PDSS2: variants seen among roughly 807,000 people sequenced by gnomAD.
PDSS2 encodes decaprenyl diphosphate synthase subunit 2.
In PDSS2, 31 loss-of-function variants were observed where a neutral mutation model predicts 44.5. The observed-to-expected ratio is 0.70, with a 90% CI of 0.52 to 0.94. The LOEUF is 0.94. Among genes scored for constraint, PDSS2 ranks in the 40% least tolerant of loss-of-function variants. The probability of loss-of-function intolerance (pLI) is 0.00; values close to 1 mark genes in which losing one functional copy is unlikely to be tolerated. For synonymous variants in PDSS2, 157 were observed against 180.3 expected (o/e 0.87, Z 1.03); for missense variants, 452 against 482.2 (o/e 0.94, Z 0.59).
chr6:107,312,453 G>A (rs144586245), intron 2 of PDSS2, among the ~76,000 whole-genome samples: 1 of 152,182 alleles, frequency 6.6e-6, no homozygotes, highest in Admixed American at 6.5e-5. Flanking sequence ...AACTTCCTGA[G>A]TTCAAACCCT....
intron 1 of PDSS2, among the ~76,000 whole-genome samples, chr6:107,404,455 C>G (rs1270740863): frequency 1.3e-5 from 2 of 152,138 alleles, no homozygotes; most frequent in Non-Finnish European, 2.9e-5. Flanking sequence ...AGTCCGTTCT[C>G]CCACTGCTAA....
At chr6:107,274,922 C>CTCGG (rs1431999972) in intron 2 of PDSS2, among the ~76,000 whole-genome samples, 1 of 152,112 alleles carries the variant, frequency 6.6e-6, no homozygotes, top group Non-Finnish European at 1.5e-5. Context: ...ATCTACCTGC[C>CTCGG]TCGGACACCC....
chr6:107,376,318 T>TG (rs1445729139), intron 1 of PDSS2, among the ~76,000 whole-genome samples: 1 of 151,936 alleles, frequency 6.6e-6, no homozygotes, highest in African/African-American at 2.4e-5. Flanking sequence ...GGTAGCTTGA[T>TG]GGGGATGGCA....
At position 107,334,184 on chromosome 6, in the gene PDSS2, T is replaced by C. The variant is rs1777800021; in HGVS notation, c.431+14A>G. The C allele has an allele frequency of 6.2e-7, 1 of 1,612,496 alleles. No homozygotes were observed. The highest frequency in any genetic ancestry group is 1.1e-5 in the South Asian group (1 of 91,050). On this transcript the variant is annotated intron_variant, in intron 2 of 7. Coordinates refer to ENST00000369037, the MANE Select transcript of PDSS2 (RefSeq NM_020381.4). Reference sequence around the variant, plus strand: ...GATGTAGAGAGCAATGTCAAAAGACTAAATTCTTCTTACCATGAGTAGATC... The same window carrying C: ...GATGTAGAGAGCAATGTCAAAAGACCAAATTCTTCTTACCATGAGTAGATC...
intron 1 of PDSS2, among the ~76,000 whole-genome samples, chr6:107,344,447 G>C (rs923682234): frequency 1.3e-5 from 2 of 152,094 alleles, no homozygotes; most frequent in Admixed American, 6.5e-5. Flanking sequence ...AACAACTTTA[G>C]GGCCTGAGGT....
At chr6:107,342,824 G>T (rs565424379) in intron 1 of PDSS2, among the ~76,000 whole-genome samples, 141 of 152,162 alleles carry the variant, frequency 9.3e-4, no homozygotes, top group African/African-American at 3.3e-3. Context: ...AAATATTAAG[G>T]AAACAACTTC....
At chr6:107,165,740 A>G (rs1249875038) in intron 7 of PDSS2, among the ~76,000 whole-genome samples, 26 of 152,144 alleles carry the variant, frequency 1.7e-4, no homozygotes, top group Middle Eastern at 3.4e-3. Flanking sequence ...CATTGAATCT[A>G]TAAATTACCT....
chr6:107,312,303 G>A (rs1242960792), intron 2 of PDSS2, among the ~76,000 whole-genome samples: 1 of 152,070 alleles, frequency 6.6e-6, no homozygotes, highest in Non-Finnish European at 1.5e-5. Context: ...GTCCTTTAAG[G>A]ACAATTCAAT....
intron 3 of PDSS2, among the ~76,000 whole-genome samples, chr6:107,253,425 A>G (rs1054805570): frequency 2.0e-5 from 3 of 152,238 alleles, no homozygotes; most frequent in Non-Finnish European, 4.4e-5. Flanking sequence ...GTGTTTTTAA[A>G]TTATAGTTGT....
intron 7 of PDSS2, among the ~76,000 whole-genome samples, chr6:107,171,046 T>G (rs1245021101): frequency 6.6e-6 from 1 of 152,232 alleles, no homozygotes; most frequent in African/African-American, 2.4e-5. Context: ...GGAACACAGT[T>G]GCTGCCTCCC....
At chr6:107,250,901 G>A (rs1774795216) in intron 3 of PDSS2, among the ~76,000 whole-genome samples, 2 of 151,960 alleles carry the variant, frequency 1.3e-5, no homozygotes, top group African/African-American at 4.8e-5. Flanking sequence ...TGTTACCCAG[G>A]CTGAAGTGCA....
Position 107,212,305 on chromosome 6 carries a change from G to T in PDSS2, c.703-23C>A, listed in dbSNP as rs1420027167. 4 of 1,573,830 alleles carry T rather than the reference G, an allele frequency of 2.5e-6. No homozygotes were observed. In the Admixed American group the frequency reaches 6.9e-5, roughly 27 times the overall value. ...TTCCTAAAAATGTAACAAAAGCCAA[G>T]ATAAAAAAGACTTTAGGAGTAATTT... is the stretch of plus-strand genomic sequence containing the variant. On this transcript the variant is annotated intron_variant, in intron 4 of 7. Transcript: ENST00000369037.
intron 6 of PDSS2, among the ~76,000 whole-genome samples, chr6:107,202,313 A>C (rs1334722342): frequency 2.0e-5 from 3 of 152,218 alleles, no homozygotes; most frequent in Non-Finnish European, 4.4e-5. Context: ...TGCTGGGATT[A>C]CAGGCATGAG....
chr6:107,376,033 G>A (rs1270767986), intron 1 of PDSS2, among the ~76,000 whole-genome samples: 1 of 152,160 alleles, frequency 6.6e-6, no homozygotes, highest in African/African-American at 2.4e-5. Flanking sequence ...TTTCCCCATT[G>A]CTTGTTTTTC....
chr6:107,408,114 G>C (rs1291103146), intron 1 of PDSS2, among the ~76,000 whole-genome samples: 1 of 152,034 alleles, frequency 6.6e-6, no homozygotes, highest in Non-Finnish European at 1.5e-5. Flanking sequence ...TGCAACTTCT[G>C]TCTCCTGGGT....
intron 4 of PDSS2, among the ~76,000 whole-genome samples, chr6:107,234,352 C>T (rs189829821): frequency 1.8e-4 from 27 of 152,118 alleles, no homozygotes; most frequent in African/African-American, 5.1e-4. Context: ...ACTATAGGCG[C>T]GTGCCACTAT....
At chr6:107,293,503 C>T (rs1038426124) in intron 2 of PDSS2, among the ~76,000 whole-genome samples, 1 of 152,138 alleles carries the variant, frequency 6.6e-6, no homozygotes, top group Non-Finnish European at 1.5e-5. Context: ...CTTTCTGCCG[C>T]GGTACGGGAG....
At chr6:107,443,004 C>T (rs975011944) in intron 1 of PDSS2, among the ~76,000 whole-genome samples, 1 of 152,144 alleles carries the variant, frequency 6.6e-6, no homozygotes, top group Admixed American at 6.5e-5. Context: ...ATTTATTGCA[C>T]TTTGTGTTTT....
intron 4 of PDSS2, among the ~76,000 whole-genome samples, chr6:107,226,618 C>T (rs1471888643): frequency 6.6e-6 from 1 of 150,750 alleles, no homozygotes; most frequent in African/African-American, 2.4e-5. Context: ...GAGGGACAGA[C>T]TGAGGTCAGA....
Sources: allele counts gnomAD v4.1 joint callset (sites outside exome capture counted in the v4.1 genomes callset), GRCh38; gene constraint gnomAD v4.1.1; transcripts MANE v1.5; gene names NCBI Gene and HGNC (gene_info 2026-07-23, HGNC 2026-07-21).